Variants in NRXN3 observed in about 807,000 individuals in gnomAD.
NRXN3 encodes the protein neurexin III.
Under a neutral mutation model 137.6 loss-of-function variants are expected in NRXN3, and 32 were observed. That is an observed-to-expected ratio of 0.23 (90% CI 0.18 to 0.31). NRXN3 has a LOEUF of 0.31. Among genes scored for constraint, NRXN3 ranks in the 10% least tolerant of loss-of-function variants. NRXN3 has a pLI of 1.00. For synonymous variants in NRXN3, 798 were observed against 784.5 expected, an observed-to-expected ratio of 1.02 and a Z score of -0.29; for missense variants, 1,574 against 2,062.5, an observed-to-expected ratio of 0.76 and a Z score of 4.59.
At chr14:79,189,836 TA>T (rs1339913774) in intron 15 of NRXN3, among the ~76,000 whole-genome samples, 2 of 152,194 alleles carry the variant, frequency 1.3e-5, no homozygotes, top group Non-Finnish European at 2.9e-5. Flanking sequence ...ACAGTAACAA[TA>T]AAAACATATT....
At chr14:79,509,559 A>C (rs2096912367) in intron 16 of NRXN3, among the ~76,000 whole-genome samples, 1 of 145,106 alleles carries the variant, frequency 6.9e-6, no homozygotes, top group Admixed American at 7.0e-5. Flanking sequence ...GTGTGTGTGC[A>C]TGTATGTATA....
At position 79,772,853 on chromosome 14, in the gene NRXN3, G is replaced by C. The variant is rs535652348; in HGVS notation, c.4015-32259G>C. ...GAGTGAACAGGCAACCTACAAAATG[G>C]GAGAAAATTTTCACAACCTACTTAT... On this transcript the variant is annotated intron_variant, in intron 19 of 20. Transcript: ENST00000335750. Among the ~76,000 whole-genome samples, 98 of 152,126 alleles carry C rather than the reference G, an allele frequency of 6.4e-4. 1 individual carries two copies. The highest frequency in any genetic ancestry group is 1.7e-3 in the African/African-American group (70 of 41,478).
chr14:79,845,576 G>A (rs996975643), intron 20 of NRXN3, among the ~76,000 whole-genome samples: 1 of 104,104 alleles, frequency 9.6e-6, no homozygotes. Flanking sequence ...GAGAGAGACC[G>A]ACCCAGAGAG....
chr14:78,334,357 C>G (rs866600259), intron 4 of NRXN3, among the ~76,000 whole-genome samples: 1 of 152,106 alleles, frequency 6.6e-6, no homozygotes, highest in Non-Finnish European at 1.5e-5. Flanking sequence ...AACTTTGTGT[C>G]AGAACTCATA....
chr14:78,735,804 C>T (rs1277660305), intron 8 of NRXN3, among the ~76,000 whole-genome samples: 1 of 152,090 alleles, frequency 6.6e-6, no homozygotes, highest in Admixed American at 6.5e-5. Flanking sequence ...TCAGAGAAGT[C>T]TGTTAGAATT....
intron 15 of NRXN3, among the ~76,000 whole-genome samples, chr14:79,107,256 C>CA (rs2052623358): frequency 6.6e-6 from 1 of 152,122 alleles, no homozygotes; most frequent in Non-Finnish European, 1.5e-5. Flanking sequence ...GACACACCTA[C>CA]TTCCTAAAGC....
At chr14:79,799,943 G>C (rs930436689) in intron 19 of NRXN3, among the ~76,000 whole-genome samples, 3 of 152,106 alleles carry the variant, frequency 2.0e-5, no homozygotes, top group African/African-American at 7.2e-5. Context: ...ATAGGTGTTT[G>C]AAAAAGATTC....
intron 15 of NRXN3, among the ~76,000 whole-genome samples, chr14:79,233,763 T>C (rs2072705246): frequency 6.6e-6 from 1 of 152,002 alleles, no homozygotes; most frequent in Non-Finnish European, 1.5e-5. Flanking sequence ...AGATAAATTC[T>C]AGAGAAAGGT....
intron 15 of NRXN3, among the ~76,000 whole-genome samples, chr14:79,418,527 A>G (rs1030215643): frequency 2.6e-5 from 4 of 152,190 alleles, no homozygotes; most frequent in Non-Finnish European, 4.4e-5. Context: ...TGCTAGGGAC[A>G]TTAGTCTGAT....
chr14:79,411,191 A>G lies in NRXN3; in HGVS notation c.3263-56030A>G, dbSNP rs76646110. On this transcript the variant is annotated intron_variant, in intron 15 of 20. Coordinates refer to ENST00000335750, the MANE Select transcript of NRXN3 (RefSeq NM_001330195.2). The stretch of plus-strand genomic sequence containing the variant: ...CAAGCATGTGGCTTATAAACTCAAG[A>G]TGGCTGGTACAATGTTGTTCAATAT... Among the ~76,000 whole-genome samples, 459 of 152,242 alleles carry G rather than the reference A, an allele frequency of 3.0e-3. 9 individuals are homozygous for G. In the South Asian group the frequency reaches 0.043, roughly 14 times the overall value.
chr14:79,361,744 A>G (rs1245497769), intron 15 of NRXN3, among the ~76,000 whole-genome samples: 1 of 152,106 alleles, frequency 6.6e-6, no homozygotes, highest in Non-Finnish European at 1.5e-5. Context: ...TGAAATGTTT[A>G]ACATAATAAA....
chr14:79,023,686 G>A (rs1595044369), intron 15 of NRXN3, among the ~76,000 whole-genome samples: 1 of 152,084 alleles, frequency 6.6e-6, no homozygotes, highest in African/African-American at 2.4e-5. Flanking sequence ...TTCACAAGGC[G>A]ACAGGAAGGA....
At chr14:79,197,541 T>G (rs1350976429) in intron 15 of NRXN3, among the ~76,000 whole-genome samples, 2 of 150,482 alleles carry the variant, frequency 1.3e-5, no homozygotes, top group African/African-American at 4.9e-5. Flanking sequence ...CTTTTCTTAC[T>G]GTATCTGTAA....
At chr14:79,660,567 G>A (rs2098528449) in intron 16 of NRXN3, among the ~76,000 whole-genome samples, 1 of 152,094 alleles carries the variant, frequency 6.6e-6, no homozygotes, top group African/African-American at 2.4e-5. Flanking sequence ...AATCAAATAT[G>A]GATCTTGCAG....
At chr14:79,177,193 T>A (rs548310012) in intron 15 of NRXN3, among the ~76,000 whole-genome samples, 1 of 152,300 alleles carries the variant, frequency 6.6e-6, no homozygotes, top group Non-Finnish European at 1.5e-5. Flanking sequence ...GCACAATTAT[T>A]TATTATCCTC....
At chr14:78,872,086 A>G (rs772228759) in intron 10 of NRXN3, among the ~76,000 whole-genome samples, 17 of 151,988 alleles carry the variant, frequency 1.1e-4, no homozygotes, top group Non-Finnish European at 2.4e-4. Flanking sequence ...TTTTACTTCC[A>G]TATTTCCAAA....
chr14:78,789,265 A>C (rs923758449), intron 8 of NRXN3, among the ~76,000 whole-genome samples: 1 of 152,158 alleles, frequency 6.6e-6, no homozygotes, highest in African/African-American at 2.4e-5. Context: ...TGTGCTTTTT[A>C]GAGTCATCTA....
At chr14:78,445,645 C>T (rs911491991) in intron 4 of NRXN3, among the ~76,000 whole-genome samples, 7 of 152,174 alleles carry the variant, frequency 4.6e-5, no homozygotes, top group African/African-American at 2.4e-5. Flanking sequence ...TGTCTTTGGG[C>T]AGCAAGTCCC....
At chr14:78,237,982 G>A (rs1255177112) in intron 1 of NRXN3, among the ~76,000 whole-genome samples, 1 of 152,158 alleles carries the variant, frequency 6.6e-6, no homozygotes, top group Admixed American at 6.5e-5. Context: ...CTTGTAGACA[G>A]TCCGACTTCC....
Sources: gnomAD v4.1 joint callset for allele counts (sites outside exome capture counted in the v4.1 genomes callset) on GRCh38, gnomAD v4.1.1 for gene constraint, MANE v1.5 for transcripts, NCBI Gene and HGNC (gene_info 2026-07-23, HGNC 2026-07-21) for gene names.